The following SUN3 variants were observed in gnomAD, a reference collection of about 807,000 sequenced individuals.
SUN3 encodes Sad1 and UNC84 domain containing 3.
In SUN3, 36 loss-of-function variants were observed where a neutral mutation model predicts 48.2. That is an observed-to-expected ratio of 0.75 (90% CI 0.57 to 0.99). The LOEUF is 0.99. Ranked by LOEUF, SUN3 falls within the 50% of genes least tolerant of loss-of-function variation. The pLI is 0.00. For missense variants in SUN3, 419 were observed against 433.1 expected (o/e 0.97, Z 0.29); for synonymous variants, 148 against 147.9 (o/e 1.00, Z 0.00).
intron 6 of SUN3, among the ~76,000 whole-genome samples, chr7:48,002,151 CTTTTTTTTTTTTTT>C (rs71006541): frequency 1.6e-5 from 1 of 64,136 alleles, no homozygotes; most frequent in Non-Finnish European, 2.4e-5. Flanking sequence ...TTGCATTTCT[CTTTTTTTTTTTTTT>C]TTTTTTTTTT....
chr7:47,998,786 C>G (rs1249659815), intron 6 of SUN3, among the ~76,000 whole-genome samples: 1 of 152,078 alleles, frequency 6.6e-6, no homozygotes, highest in Non-Finnish European at 1.5e-5. Flanking sequence ...GCACCACTGA[C>G]TTGCCTTTTT....
intron 6 of SUN3, among the ~76,000 whole-genome samples, chr7:48,001,712 A>G (rs763206127): frequency 6.6e-6 from 1 of 151,354 alleles, no homozygotes; most frequent in Non-Finnish European, 1.5e-5. Context: ...TTTTCTTTGT[A>G]TTTTTAGTAG....
chr7:47,996,709 T>C (rs1199201298), intron 6 of SUN3, among the ~76,000 whole-genome samples: 1 of 152,134 alleles, frequency 6.6e-6, no homozygotes, highest in Non-Finnish European at 1.5e-5. Flanking sequence ...AAATGCAAAT[T>C]GCTTTTACAA....
At position 47,992,399 on chromosome 7, in the gene SUN3, A is replaced by C. The variant is rs1583742702; in HGVS notation, c.861+1916T>G. Among the ~76,000 whole-genome samples, 3 of 152,206 alleles carry C rather than the reference A, an allele frequency of 2.0e-5. No individual in the cohort carries two copies. In the South Asian group the frequency reaches 6.2e-4, roughly 31 times the overall value. The stretch of plus-strand genomic sequence containing the variant: ...AGGTACTGCCTTCATAAAAGAAAAA[A>C]ATATAGGCTCTAAAAAAGGGAATAT... On this transcript the variant is annotated intron_variant, in intron 8 of 9. Coordinates refer to ENST00000297325, the MANE Select transcript of SUN3 (RefSeq NM_001030019.2).
the SUN3 span, among the ~76,000 whole-genome samples, chr7:48,034,260 T>C: frequency 2.6e-5 from 4 of 152,164 alleles, no homozygotes; most frequent in African/African-American, 9.7e-5. Flanking sequence ...CATTATGATA[T>C]TATATTAGAG....
intron 1 of SUN3, 139 bp downstream of exon 1, chr7:48,028,678 G>A (rs1255181783): frequency 2.7e-6 from 3 of 1,127,928 alleles, no homozygotes; most frequent in East Asian, 2.5e-5. Context: ...AACCTTCAAA[G>A]GAAACTATTG....
At chr7:48,025,777 G>A in intron 2 of SUN3, 100 bp downstream of exon 2, 1 of 746,346 alleles carries the variant, frequency 1.3e-6, no homozygotes, top group Non-Finnish European at 2.2e-6. Flanking sequence ...ACTTTCCGTG[G>A]CATTTATTTA....
chr7:48,025,895 G>A lies in SUN3; in HGVS notation c.166C>T (p.Leu56=), dbSNP rs1790120853. 1.2e-6 allele frequency: 2 copies of A among 1,602,448 alleles called. No homozygotes were observed. Among genetic ancestry groups the A allele is most frequent in the African/African-American group, 1.3e-5 (1 of 74,710 alleles). Residue 56 remains leucine, a synonymous_variant, in exon 2 of 10, where the codon CTG becomes TTG. Coordinates refer to ENST00000297325, the MANE Select transcript of SUN3 (RefSeq NM_001030019.2). ...GACTTACCTACAAGAAGAAAAGTCA[G>A]TGTAAGCATTGTACTTAGAATAATC... ...WKIILSTMLT[L]TFLLVGLLNH...
intron 1 of SUN3, among the ~76,000 whole-genome samples, chr7:48,028,548 C>G (rs1043176294): frequency 6.8e-6 from 1 of 146,362 alleles, no homozygotes; most frequent in Non-Finnish European, 1.5e-5. Context: ...GCTGCTGTGG[C>G]TCATTCTTTT....
At chr7:48,004,992 T>C (rs1789484213) in intron 6 of SUN3, among the ~76,000 whole-genome samples, 1 of 152,244 alleles carries the variant, frequency 6.6e-6, no homozygotes, top group Admixed American at 6.5e-5. Context: ...TGTTTCCACA[T>C]CTATGGCTAC....
chr7:47,989,717 G>A (rs140411371), intron 8 of SUN3, among the ~76,000 whole-genome samples: 4 of 152,148 alleles, frequency 2.6e-5, no homozygotes, highest in African/African-American at 9.7e-5. Context: ...CTGTCTCTAC[G>A]TAGAAAGAAG....
intron 1 of SUN3, among the ~76,000 whole-genome samples, chr7:48,028,449 C>T (rs1272026409): frequency 8.5e-6 from 1 of 118,238 alleles, no homozygotes; most frequent in African/African-American, 3.2e-5. Flanking sequence ...GCTCTGCATA[C>T]CACCAAGACT....
chr7:48,003,357 T>A (rs960771494), intron 6 of SUN3, among the ~76,000 whole-genome samples: 10 of 152,228 alleles, frequency 6.6e-5, no homozygotes, highest in African/African-American at 2.4e-4. Flanking sequence ...ACATGATGCC[T>A]CCAGCTTTGT....
chr7:48,006,707 C>A (rs565746802), intron 5 of SUN3, among the ~76,000 whole-genome samples: 1 of 152,186 alleles, frequency 6.6e-6, no homozygotes, highest in South Asian at 2.1e-4. Flanking sequence ...AAAAAGTAGA[C>A]ATTAGGGAAG....
upstream of SUN3, among the ~76,000 whole-genome samples, chr7:48,029,447 A>G (rs1205818286): frequency 6.6e-6 from 1 of 152,234 alleles, no homozygotes. Flanking sequence ...TTGATACTTT[A>G]CTATGTAAAT....
At chr7:48,022,974 C>T (rs1257845110) in intron 2 of SUN3, among the ~76,000 whole-genome samples, 1 of 152,120 alleles carries the variant, frequency 6.6e-6, no homozygotes, top group East Asian at 1.9e-4. Flanking sequence ...CATGGTGTCT[C>T]TATGACTAGA....
chr7:47,988,762 A>G (rs534746624), intron 9 of SUN3, 26 bp downstream of exon 9: 7 of 1,440,370 alleles, frequency 4.9e-6, no homozygotes, highest in African/African-American at 2.8e-5. Flanking sequence ...AGAGCTACTC[A>G]TATCATTTCC....
chr7:48,003,331 A>G (rs1381965812), intron 6 of SUN3, among the ~76,000 whole-genome samples: 1 of 152,144 alleles, frequency 6.6e-6, no homozygotes, highest in Non-Finnish European at 1.5e-5. Context: ...CCTGTAGTAT[A>G]GTTTGAAGTT....
rs768143645 is a variant in SUN3 at position 48,028,797 on chromosome 7, G to A, written c.122+20C>T. 5.0e-6 allele frequency: 8 copies of A among 1,612,176 alleles called. No homozygotes were observed. The highest frequency in any genetic ancestry group is 2.2e-5 in the East Asian group (1 of 44,816). ...TAAAACCTACAATTTCAGGCACACC[G>A]TTCTGCCATGTTTACCTACCCATTC... On this transcript the variant is annotated intron_variant, in intron 1 of 9. Coordinates refer to ENST00000297325, the MANE Select transcript of SUN3 (RefSeq NM_001030019.2).
Sources: gnomAD v4.1 joint callset for allele counts (sites outside exome capture counted in the v4.1 genomes callset) on GRCh38, gnomAD v4.1.1 for gene constraint, MANE v1.5 for transcripts, NCBI Gene and HGNC (gene_info 2026-07-23, HGNC 2026-07-21) for gene names.